RXRA: variants seen among roughly 807,000 people sequenced by gnomAD.
The protein encoded by RXRA is retinoid X receptor alpha.
A neutral mutation model predicts 44.5 loss-of-function variants in RXRA; 5 were observed. The ratio of observed to expected loss-of-function variants is 0.11; its 90% CI spans 0.06 to 0.24. The LOEUF (loss-of-function observed/expected upper bound fraction) is 0.24, where lower values mean the gene tolerates loss of function less well. RXRA is among the 10% of genes least tolerant of loss of function. The probability of loss-of-function intolerance (pLI) is 1.00; values close to 1 mark genes in which losing one functional copy is unlikely to be tolerated. For synonymous variants in RXRA, 291 were observed against 271.4 expected (o/e 1.07, Z -0.71); for missense variants, 412 against 646.5 (o/e 0.64, Z 3.93).
At chr9:134,421,648 A>G (rs1410894402) in intron 5 of RXRA, 28 bp from the exon 6 acceptor site, 27 of 1,548,864 alleles carry the variant, frequency 1.7e-5, no homozygotes, top group Non-Finnish European at 2.4e-5. Context: ...CTGGGACTGA[A>G]TGTCCTGCTC....
intron 6 of RXRA, chr9:134,423,344 C>G: frequency 1.0e-6 from 1 of 985,454 alleles, no homozygotes; most frequent in Non-Finnish European, 1.2e-6. Context: ...CCTAGAGGCC[C>G]GCTACCGCAC....
rs1830098833 is a variant in RXRA at position 134,342,567 on chromosome 9, G to A, written c.28+15908G>A. Among the ~76,000 whole-genome samples, 1 of 152,236 alleles carries A rather than the reference G, an allele frequency of 6.6e-6. No individual in the cohort carries two copies. Among genetic ancestry groups the A allele is most frequent in the South Asian group, 2.1e-4 (1 of 4,834 alleles). On this transcript the variant is annotated intron_variant, in intron 1 of 9. Coordinates refer to ENST00000481739, the MANE Select transcript of RXRA (RefSeq NM_002957.6). This position sits in a 1 kb window ranked among gnomAD's most constrained non-coding sequence, Gnocchi z 4.4. Reference sequence around the variant, plus strand: ...GGGGCAGTGGGTTGGTGCAGGCAGAGTGGTAACAGCAAGCTGTGGGCAAGG... The same window carrying A: ...GGGGCAGTGGGTTGGTGCAGGCAGAATGGTAACAGCAAGCTGTGGGCAAGG...
At chr9:134,385,482 C>T (rs1830705754) in intron 1 of RXRA, among the ~76,000 whole-genome samples, 1 of 152,212 alleles carries the variant, frequency 6.6e-6, no homozygotes, top group Non-Finnish European at 1.5e-5. Flanking sequence ...CCCGGTGACT[C>T]CCTGCTTGTT....
chr9:134,416,806 T>C (rs1324639584), intron 4 of RXRA, among the ~76,000 whole-genome samples: 1 of 152,152 alleles, frequency 6.6e-6, no homozygotes, highest in African/African-American at 2.4e-5. Context: ...TCCAGTCACA[T>C]TGACACCTCT....
At chr9:134,399,419 G>T (rs1830927461) in intron 1 of RXRA, among the ~76,000 whole-genome samples, 1 of 152,174 alleles carries the variant, frequency 6.6e-6, no homozygotes, top group Non-Finnish European at 1.5e-5. Context: ...GTATTTCATA[G>T]ACTCGTGAGC....
At chr9:134,348,923 G>A (rs1554749132) in intron 1 of RXRA, among the ~76,000 whole-genome samples, 1 of 152,216 alleles carries the variant, frequency 6.6e-6, no homozygotes, top group Non-Finnish European at 1.5e-5. Flanking sequence ...ACCTTACTTT[G>A]GACACCAGCT....
rs1322889616 is a variant in RXRA at position 134,422,662 on chromosome 9, A to G, written c.910+857A>G. 29 of 982,790 alleles carry G rather than the reference A, an allele frequency of 3.0e-5. No homozygotes were observed. The Middle Eastern group carries it at 1.6e-3, about 53-fold the overall frequency. The allele number at this position is 982,790 out of a possible 1,614,324, so 60.9% of individuals were successfully genotyped here. Reference sequence around the variant, plus strand: ...TCCCCGGACACTCCCCACTCCCCGGACACTCCCCACTCCCGGGACACTCCC... The same window carrying G: ...TCCCCGGACACTCCCCACTCCCCGGGCACTCCCCACTCCCGGGACACTCCC... On this transcript the variant is annotated intron_variant, in intron 6 of 9. Transcript: ENST00000481739.
intron 1 of RXRA, among the ~76,000 whole-genome samples, chr9:134,396,045 G>A (rs116254932): frequency 2.6e-5 from 4 of 152,304 alleles, no homozygotes; most frequent in South Asian, 2.1e-4. Context: ...CCACCCCGCC[G>A]AGGGCCCGTA....
At chr9:134,396,776 G>T (rs1468975509) in intron 1 of RXRA, among the ~76,000 whole-genome samples, 1 of 152,222 alleles carries the variant, frequency 6.6e-6, no homozygotes, top group Non-Finnish European at 1.5e-5. Context: ...TGGGGCGCCA[G>T]ATTGGATGGT....
Position 134,433,320 on chromosome 9 carries a change from C to T in RXRA, c.1136-782C>T, listed in dbSNP as rs986829093. Among the ~76,000 whole-genome samples the T allele has an allele frequency of 1.3e-5, 2 of 152,118 alleles. No individual in the cohort carries two copies. The highest frequency in any genetic ancestry group is 2.9e-5 in the Non-Finnish European group (2 of 68,030). ...TGGGGCACCAGCAGGACCTGGGCAC[C>T]GGCTTGCAGGGAGGGTGAGATTGTC... On this transcript the variant is annotated intron_variant, in intron 8 of 9. Coordinates refer to ENST00000481739, the MANE Select transcript of RXRA (RefSeq NM_002957.6). The surrounding 1 kb of genome is among the most constrained non-coding windows in gnomAD (Gnocchi z 4.2).
chr9:134,436,400 G>A, intron 9 of RXRA, 67 bp from the exon 10 acceptor site: 4 of 1,526,562 alleles, frequency 2.6e-6, no homozygotes, highest in Non-Finnish European at 3.6e-6. Context: ...CCCCAGGGAG[G>A]CCTCCAGTGC....
At chr9:134,414,671 AC>A (rs1831205166) in intron 4 of RXRA, among the ~76,000 whole-genome samples, 1 of 152,170 alleles carries the variant, frequency 6.6e-6, no homozygotes, top group Admixed American at 6.5e-5. Context: ...CAGCTTCCCC[AC>A]TGGGAAGACA....
chr9:134,422,163 C>T (rs1401796751), intron 6 of RXRA: 3 of 1,296,038 alleles, frequency 2.3e-6, no homozygotes, highest in African/African-American at 1.5e-5. Context: ...CCTCCTGGGA[C>T]ACACTTCCCC....
intron 1 of RXRA, among the ~76,000 whole-genome samples, chr9:134,384,350 C>T (rs1830688812): frequency 6.6e-6 from 1 of 152,258 alleles, no homozygotes; most frequent in African/African-American, 2.4e-5. Flanking sequence ...TGATGGTTAC[C>T]TGCTCCACAT....
intron 1 of RXRA, among the ~76,000 whole-genome samples, chr9:134,339,832 TGA>T (rs1491037090): frequency 3.6e-4 from 48 of 133,196 alleles, no homozygotes; most frequent in Middle Eastern, 3.7e-3. Flanking sequence ...TGTGTGTGTG[TGA>T]GTCTGTGTGT....
In RXRA at chr9:134,421,867, C is replaced by T; in HGVS notation, c.910+62C>T. The T allele has an allele frequency of 2.5e-6, 4 of 1,588,878 alleles. 1 individual carries two copies. The Middle Eastern group carries it at 6.6e-4, about 264-fold the overall frequency. ...TGCAGATGGGACACGTACCAGGACA[C>T]TCCCCCCTCCCGGGATACTCCGCAC... On this transcript the variant is annotated intron_variant, in intron 6 of 9. Transcript: ENST00000481739.
intron 1 of RXRA, among the ~76,000 whole-genome samples, chr9:134,327,132 G>C (rs1554746134): frequency 2.6e-5 from 4 of 152,104 alleles, no homozygotes; most frequent in African/African-American, 9.6e-5. Flanking sequence ...GCTGGCCCTT[G>C]GGTGTGTGTC....
intron 7 of RXRA, 120 bp downstream of exon 7, chr9:134,429,360 G>T: frequency 9.6e-7 from 1 of 1,038,576 alleles, no homozygotes; most frequent in East Asian, 2.6e-5. Flanking sequence ...TGCATGAAGG[G>T]TGCACACATG....
At chr9:134,374,867 T>C (rs1294684655) in intron 1 of RXRA, among the ~76,000 whole-genome samples, 1 of 152,222 alleles carries the variant, frequency 6.6e-6, no homozygotes, top group Non-Finnish European at 1.5e-5. Context: ...TAAGGACTCC[T>C]GCAGCTGGCG....
Sources: allele counts gnomAD v4.1 joint callset (sites outside exome capture counted in the v4.1 genomes callset), GRCh38; gene constraint gnomAD v4.1.1; non-coding constraint Gnocchi (gnomAD v3.1); transcripts MANE v1.5; gene names NCBI Gene and HGNC (gene_info 2026-07-23, HGNC 2026-07-21).